Variants in INPP5A observed in about 807,000 individuals in gnomAD.
INPP5A encodes 43 kDa inositol polyphosphate 5-phophatase.
In INPP5A, 14 loss-of-function variants were observed where a neutral mutation model predicts 65.2. That is an observed-to-expected ratio of 0.21 (90% CI 0.14 to 0.34). The LOEUF is 0.34. Among genes scored for constraint, INPP5A ranks in the 10% least tolerant of loss-of-function variants. INPP5A has a pLI of 1.00. For synonymous variants in INPP5A, 207 were observed against 208.3 expected (o/e 0.99, Z 0.05); for missense variants, 431 against 545.6 (o/e 0.79, Z 2.09).
chr10:132,553,514 GGT>G (rs200591982), intron 1 of INPP5A, among the ~76,000 whole-genome samples: 6 of 123,790 alleles, frequency 4.8e-5, no homozygotes, highest in African/African-American at 6.0e-5. Flanking sequence ...TCAGAGCCTT[GGT>G]GTGGAATATT....
intron 8 of INPP5A, among the ~76,000 whole-genome samples, chr10:132,720,323 C>G (rs1401323197): frequency 1.4e-5 from 2 of 140,020 alleles, no homozygotes; most frequent in Non-Finnish European, 3.0e-5. Flanking sequence ...TGCCTGGGTT[C>G]TTTCTGGAGG....
At chr10:132,718,630 C>A (rs1387695827) in intron 8 of INPP5A, among the ~76,000 whole-genome samples, 1 of 141,884 alleles carries the variant, frequency 7.0e-6, no homozygotes, top group East Asian at 2.1e-4. Context: ...TCTGTGGTGC[C>A]TGGTTTCTGT....
At chr10:132,624,768 A>G (rs1235653806) in intron 2 of INPP5A, among the ~76,000 whole-genome samples, 1 of 151,892 alleles carries the variant, frequency 6.6e-6, no homozygotes, top group East Asian at 1.9e-4. Flanking sequence ...GGCCTGCCGG[A>G]CTTAGAATGT....
chr10:132,597,555 C>T (rs1048572410), intron 1 of INPP5A, among the ~76,000 whole-genome samples: 1 of 152,198 alleles, frequency 6.6e-6, no homozygotes, highest in African/African-American at 2.4e-5. Context: ...TTCAGGAATG[C>T]ATTAGGCAAG....
At chr10:132,626,324 C>T (rs183878291) in intron 2 of INPP5A, among the ~76,000 whole-genome samples, 3 of 152,332 alleles carry the variant, frequency 2.0e-5, no homozygotes, top group African/African-American at 4.8e-5. Context: ...GCAGGCTTCC[C>T]GGGACACACG....
chr10:132,641,093 AAAATGGCTGT>A (rs2072422393), intron 2 of INPP5A, among the ~76,000 whole-genome samples: 1 of 152,224 alleles, frequency 6.6e-6, no homozygotes, highest in Admixed American at 6.5e-5. Context: ...TAAGAATTGT[AAAATGGCTGT>A]ATTCTAATTC....
intron 11 of INPP5A, among the ~76,000 whole-genome samples, chr10:132,761,019 C>T (rs1846723504): frequency 6.6e-6 from 1 of 152,244 alleles, no homozygotes. Flanking sequence ...AATATAAATA[C>T]ACACTTGGCA....
chr10:132,712,321 TTGTG>T (rs200112725), intron 8 of INPP5A, among the ~76,000 whole-genome samples: 1 of 151,666 alleles, frequency 6.6e-6, no homozygotes, highest in Non-Finnish European at 1.5e-5. Flanking sequence ...CTTGTGGGGT[TTGTG>T]TGGGGGTGGG....
intron 4 of INPP5A, among the ~76,000 whole-genome samples, chr10:132,657,543 C>T (rs924162544): frequency 1.3e-5 from 2 of 152,234 alleles, no homozygotes; most frequent in South Asian, 4.1e-4. Context: ...CAGGCAGTGG[C>T]CCTGGTGCTC....
At position 132,546,107 on chromosome 10, in the gene INPP5A, C is replaced by T. The variant is rs558591332; in HGVS notation, c.75+7936C>T. Among the ~76,000 whole-genome samples, 8 of 152,176 alleles carry T rather than the reference C, an allele frequency of 5.3e-5. No individual in the cohort carries two copies. Among genetic ancestry groups the T allele is most frequent in the East Asian group, 3.9e-4 (2 of 5,188 alleles). ...CGTCCTGGAGCCTGCAGCCCTTGGCCGTGTCACGCCATGTGCTCATGTGAC... is the reference window on the plus strand; with the variant it reads ...CGTCCTGGAGCCTGCAGCCCTTGGCTGTGTCACGCCATGTGCTCATGTGAC... On this transcript the variant is annotated intron_variant, in intron 1 of 15. Transcript: ENST00000368594. This position sits in a 1 kb window ranked among gnomAD's most constrained non-coding sequence, Gnocchi z 5.7.
At chr10:132,642,948 C>T (rs1590888832) in intron 2 of INPP5A, among the ~76,000 whole-genome samples, 1 of 152,194 alleles carries the variant, frequency 6.6e-6, no homozygotes, top group South Asian at 2.1e-4. Flanking sequence ...GCTGAGCTCA[C>T]GTTCCGTCCA....
At chr10:132,577,885 G>C (rs914678027) in intron 1 of INPP5A, among the ~76,000 whole-genome samples, 1 of 152,244 alleles carries the variant, frequency 6.6e-6, no homozygotes, top group African/African-American at 2.4e-5. Context: ...GGTTTGAGAA[G>C]GGAGTGTGGG....
intron 2 of INPP5A, among the ~76,000 whole-genome samples, chr10:132,645,431 C>T (rs552969613): frequency 4.3e-4 from 65 of 152,360 alleles, no homozygotes; most frequent in Non-Finnish European, 7.6e-4. Context: ...CGTGCTGGTA[C>T]GTGCTCCCGC....
rs1590941059 is a variant in INPP5A, at chr10:132,707,053, T to C, written c.475-1260T>C. Among the ~76,000 whole-genome samples, 1 of 152,364 alleles carries C rather than the reference T, an allele frequency of 6.6e-6. No homozygotes were observed. Among genetic ancestry groups the C allele is most frequent in the East Asian group, 1.9e-4 (1 of 5,192 alleles). On this transcript the variant is annotated intron_variant, in intron 6 of 15. Transcript: ENST00000368594. The surrounding 1 kb of genome is among the most constrained non-coding windows in gnomAD (Gnocchi z 5.5). The stretch of plus-strand genomic sequence containing the variant: ...GGTCAAAGGGAGAGCCTCTGATCAC[T>C]GCGCTCTCCGTGTTAGATAGAGGGA...
At chr10:132,745,375 CACCAGGGAGTA>C (rs1212230971) in intron 9 of INPP5A, among the ~76,000 whole-genome samples, 1 of 152,174 alleles carries the variant, frequency 6.6e-6, no homozygotes, top group Non-Finnish European at 1.5e-5. Flanking sequence ...GTGTGTTGAC[CACCAGGGAGTA>C]ACCAGGGAAC....
chr10:132,765,727 G>A (rs772985026), intron 11 of INPP5A, 46 bp from the exon 12 acceptor site: 7 of 1,210,220 alleles, frequency 5.8e-6, no homozygotes, highest in East Asian at 2.3e-5. Context: ...TGCCCCCAGC[G>A]AGGAAAACCA....
At chr10:132,682,524 G>A (rs190595955) in intron 4 of INPP5A, among the ~76,000 whole-genome samples, 3 of 152,348 alleles carry the variant, frequency 2.0e-5, no homozygotes, top group African/African-American at 7.2e-5. Context: ...AAAACTAGAG[G>A]CTGGCACTGG....
At chr10:132,710,233 G>A in intron 7 of INPP5A, 104 bp from the exon 8 acceptor site, 1 of 1,389,102 alleles carries the variant, frequency 7.2e-7, no homozygotes, top group East Asian at 2.5e-5. Flanking sequence ...CCGCACGGCG[G>A]AGGCCAGTGC....
intron 1 of INPP5A, among the ~76,000 whole-genome samples, chr10:132,602,730 A>G (rs980636315): frequency 1.3e-5 from 2 of 152,216 alleles, no homozygotes; most frequent in Non-Finnish European, 2.9e-5. Context: ...CTAATTGCCC[A>G]GGCTGGGCCT....
Sources: gnomAD v4.1 joint callset for allele counts (sites outside exome capture counted in the v4.1 genomes callset) on GRCh38, gnomAD v4.1.1 for gene constraint, Gnocchi (gnomAD v3.1) non-coding constraint, MANE v1.5 for transcripts, NCBI Gene and HGNC (gene_info 2026-07-23, HGNC 2026-07-21) for gene names.